PELI2: variants seen among roughly 807,000 people sequenced by gnomAD.
PELI2 encodes pellino E3 ubiquitin protein ligase family member 2, also known as E3 ubiquitin-protein ligase pellino homolog 2.
A neutral mutation model predicts 42.3 loss-of-function variants in PELI2; 23 were observed. The ratio of observed to expected loss-of-function variants is 0.54; its 90% CI spans 0.39 to 0.77. The LOEUF (loss-of-function observed/expected upper bound fraction) is 0.77, where lower values mean the gene tolerates loss of function less well. Ranked by LOEUF, PELI2 falls within the 30% of genes least tolerant of loss-of-function variation. PELI2 has a pLI of 0.00. For missense variants in PELI2, 463 were observed against 553.2 expected, an observed-to-expected ratio of 0.84 and a Z score of 1.64; for synonymous variants, 245 against 212.2, an observed-to-expected ratio of 1.15 and a Z score of -1.34.
intron 2 of PELI2, among the ~76,000 whole-genome samples, chr14:56,207,419 C>G (rs1886558751): frequency 6.6e-6 from 1 of 152,112 alleles, no homozygotes; most frequent in Admixed American, 6.5e-5. Context: ...GGATATTATA[C>G]TCACTACCCA....
intron 1 of PELI2, among the ~76,000 whole-genome samples, chr14:56,134,777 A>ATT (rs74387457): frequency 2.4e-3 from 345 of 140,946 alleles, no homozygotes; most frequent in Admixed American, 5.8e-3. Flanking sequence ...TCAGTAAACT[A>ATT]TTTTTTTTTT....
chr14:56,250,292 G>A (rs1888300871), intron 2 of PELI2, among the ~76,000 whole-genome samples: 1 of 152,146 alleles, frequency 6.6e-6, no homozygotes, highest in African/African-American at 2.4e-5. Context: ...GTTATATGGT[G>A]GCTTAGATGA....
chr14:56,216,329 G>A (rs540017054), intron 2 of PELI2, among the ~76,000 whole-genome samples: 48 of 152,330 alleles, frequency 3.2e-4, no homozygotes, highest in East Asian at 5.8e-4. Flanking sequence ...TAAGCCAGTC[G>A]TGAAGTTACA....
At chr14:56,121,279 C>T (rs1236009115) in intron 1 of PELI2, among the ~76,000 whole-genome samples, 2 of 150,532 alleles carry the variant, frequency 1.3e-5, no homozygotes, top group African/African-American at 4.9e-5. Context: ...CCTTTTTGCT[C>T]ACTTTCGAAT....
At chr14:56,136,195 G>A (rs937523105) in intron 1 of PELI2, among the ~76,000 whole-genome samples, 8 of 152,084 alleles carry the variant, frequency 5.3e-5, no homozygotes, top group African/African-American at 1.9e-4. Context: ...TGTTATCCAG[G>A]GTTCCACTGG....
intron 1 of PELI2, among the ~76,000 whole-genome samples, chr14:56,133,025 AAAATTTTGGAAGAAAAATTTTTCC>A (rs1215788152): frequency 6.6e-6 from 1 of 152,180 alleles, no homozygotes; most frequent in Non-Finnish European, 1.5e-5. Context: ...TATATTAATG[AAAATTTTGGAAGAAAAATTTTTCC>A]AAATTTTGGA....
At chr14:56,217,273 A>G (rs1566643370) in intron 2 of PELI2, among the ~76,000 whole-genome samples, 1 of 152,200 alleles carries the variant, frequency 6.6e-6, no homozygotes, top group Non-Finnish European at 1.5e-5. Flanking sequence ...TCTGCAGCCC[A>G]GCGCCCCTGC....
intron 2 of PELI2, among the ~76,000 whole-genome samples, chr14:56,186,511 A>C (rs1056614041): frequency 6.6e-6 from 1 of 152,246 alleles, no homozygotes; most frequent in African/African-American, 2.4e-5. Context: ...TATAACCACA[A>C]GAGAAAACTT....
At chr14:56,192,714 G>A (rs925305748) in intron 2 of PELI2, among the ~76,000 whole-genome samples, 35 of 152,158 alleles carry the variant, frequency 2.3e-4, no homozygotes, top group African/African-American at 7.2e-4. Flanking sequence ...CATCGCTCAC[G>A]TTGGGGACTA....
intron 1 of PELI2, among the ~76,000 whole-genome samples, chr14:56,132,185 C>T (rs1476756458): frequency 6.6e-6 from 1 of 152,180 alleles, no homozygotes; most frequent in Admixed American, 6.5e-5. Context: ...TGCCCAGACA[C>T]TGAGTGACTC....
Position 56,283,747 on chromosome 14 carries a change from TTAAA to T in PELI2, c.309+3975_309+3978del, listed in dbSNP as rs1345483561. 3.3e-5 allele frequency among the ~76,000 whole-genome samples: 5 copies of T among 152,282 alleles called. No individual in the cohort carries two copies. The East Asian group carries it at 9.6e-4, about 29-fold the overall frequency. ...TCTGAATAGTACCAGCTCAGCCTCT[TTAAA>T]TAAAGTATGGTAAGCCAAGCAAGAA... On this transcript the variant is annotated intron_variant, in intron 3 of 5. Transcript: ENST00000267460.
chr14:56,270,872 C>T (rs1889080294), intron 2 of PELI2, among the ~76,000 whole-genome samples: 1 of 152,132 alleles, frequency 6.6e-6, no homozygotes, highest in African/African-American at 2.4e-5. Flanking sequence ...CATCAGAGTC[C>T]ACTAGCCAAG....
intron 1 of PELI2, among the ~76,000 whole-genome samples, chr14:56,155,627 G>A (rs1884533555): frequency 6.7e-6 from 1 of 150,148 alleles, no homozygotes. Flanking sequence ...TGTCACCCAG[G>A]CTGGAGTGCA....
At chr14:56,277,095 G>T (rs915420244) in intron 2 of PELI2, among the ~76,000 whole-genome samples, 3 of 152,122 alleles carry the variant, frequency 2.0e-5, no homozygotes, top group Admixed American at 2.0e-4. Context: ...CTATAAAATG[G>T]CTGTTTCTGG....
chr14:56,175,219 C>G (rs1461446505), intron 1 of PELI2, among the ~76,000 whole-genome samples: 1 of 152,146 alleles, frequency 6.6e-6, no homozygotes, highest in African/African-American at 2.4e-5. Context: ...TGGTCTCGAA[C>G]TCCTGGGCTC....
intron 2 of PELI2, among the ~76,000 whole-genome samples, chr14:56,216,326 G>A (rs1273396492): frequency 6.6e-6 from 1 of 152,222 alleles, no homozygotes; most frequent in Non-Finnish European, 1.5e-5. Flanking sequence ...TTCTAAGCCA[G>A]TCGTGAAGTT....
chr14:56,271,854 G>A (rs939217013), intron 2 of PELI2, among the ~76,000 whole-genome samples: 17 of 152,194 alleles, frequency 1.1e-4, no homozygotes, highest in Non-Finnish European at 2.9e-5. Context: ...CCCAGGCAGA[G>A]TGAGGAGATG....
At chr14:56,137,986 C>T (rs987885282) in intron 1 of PELI2, among the ~76,000 whole-genome samples, 1 of 152,172 alleles carries the variant, frequency 6.6e-6, no homozygotes, top group Non-Finnish European at 1.5e-5. Flanking sequence ...TTCCCTTGGG[C>T]TGTCTTGTGG....
intron 2 of PELI2, among the ~76,000 whole-genome samples, chr14:56,225,078 C>T (rs749756670): frequency 2.6e-5 from 4 of 152,114 alleles, no homozygotes; most frequent in Non-Finnish European, 5.9e-5. Flanking sequence ...GCTTAGTACG[C>T]GGAGAGTGAG....
Sources: gnomAD v4.1 joint callset for allele counts (sites outside exome capture counted in the v4.1 genomes callset) on GRCh38, gnomAD v4.1.1 for gene constraint, MANE v1.5 for transcripts, NCBI Gene and HGNC (gene_info 2026-07-23, HGNC 2026-07-21) for gene names.